The following PMS1 variants were observed in gnomAD, a reference collection of about 807,000 sequenced individuals.
PMS1 encodes the protein PMS1 protein homolog 1.
A neutral mutation model predicts 93.1 loss-of-function variants in PMS1; 79 were observed. The observed-to-expected ratio is 0.85, with a 90% CI of 0.71 to 1.02. The LOEUF (loss-of-function observed/expected upper bound fraction) is 1.02, where lower values mean the gene tolerates loss of function less well. PMS1 is among the 50% of genes least tolerant of loss of function. The probability of loss-of-function intolerance (pLI) is 0.00; values close to 1 mark genes in which losing one functional copy is unlikely to be tolerated. For synonymous variants in PMS1, 335 were observed against 363.4 expected, an observed-to-expected ratio of 0.92 and a Z score of 0.89; for missense variants, 1,064 against 1,085.3, an observed-to-expected ratio of 0.98 and a Z score of 0.28.
chr2:189,804,569 C>T (rs5743009), intron 3 of PMS1, among the ~76,000 whole-genome samples: 5,007 of 152,038 alleles, frequency 0.033, 280 homozygotes, highest in African/African-American at 0.11. Context: ...CTGGAGAAGC[C>T]GTTTCTTTTT....
At chr2:189,804,200 T>A (rs1452916837) in intron 3 of PMS1, among the ~76,000 whole-genome samples, 1 of 152,158 alleles carries the variant, frequency 6.6e-6, no homozygotes, top group Non-Finnish European at 1.5e-5. Context: ...TGACACCAAC[T>A]TTAGGTCAGG....
At chr2:189,820,490 G>A (rs1231787608) in intron 5 of PMS1, among the ~76,000 whole-genome samples, 2 of 151,750 alleles carry the variant, frequency 1.3e-5, no homozygotes, top group Non-Finnish European at 1.5e-5. Context: ...GTAGGGATAT[G>A]GGGGGTCTCC....
At chr2:189,829,551 A>C (rs1233298) in intron 5 of PMS1, among the ~76,000 whole-genome samples, 3,013 of 152,020 alleles carry the variant, frequency 0.02, 95 homozygotes, top group African/African-American at 0.068. Context: ...GTCCTTTCTC[A>C]CTTAATTGTA....
intron 9 of PMS1, among the ~76,000 whole-genome samples, chr2:189,863,247 G>GT (rs574063102): frequency 0.012 from 1,729 of 144,900 alleles, 35 homozygotes; most frequent in Admixed American, 0.054. Flanking sequence ...TCTTTTTGGT[G>GT]TTTTTTTTTG....
In PMS1 at chr2:189,855,073, G is replaced by A. The variant is rs147450758; in HGVS notation, c.1801G>A (p.Ala601Thr). The A allele has an allele frequency of 8.3e-5, 134 of 1,613,122 alleles. 1 individual carries two copies. Among genetic ancestry groups the A allele is most frequent in the Middle Eastern group, 6.6e-4 (4 of 6,074 alleles). ...IENPKTSLED[A>T]TLQIEELWKT... ...AAATCCTAAGACTAGTTTAGAGGAT[G>A]CAACACTACAAATTGAAGAACTGTG... The change falls in exon 9 of 13, where the codon GCA becomes ACA. Residue 601 changes from alanine to threonine, a missense_variant. Coordinates refer to ENST00000441310, the MANE Select transcript of PMS1 (RefSeq NM_000534.5).
chr2:189,793,526 C>T (rs2049078675), intron 2 of PMS1, among the ~76,000 whole-genome samples: 1 of 152,090 alleles, frequency 6.6e-6, no homozygotes, highest in Non-Finnish European at 1.5e-5. Context: ...TTTTCTTAGG[C>T]ATTTCATATA....
intron 4 of PMS1, among the ~76,000 whole-genome samples, chr2:189,814,943 CA>C (rs1216156718): frequency 2.8e-4 from 43 of 151,858 alleles, no homozygotes; most frequent in African/African-American, 9.9e-4. Context: ...CAAAAAAATA[CA>C]AAAAATTAGC....
intron 4 of PMS1, among the ~76,000 whole-genome samples, chr2:189,810,200 A>G (rs913843644): frequency 6.6e-5 from 10 of 152,240 alleles, no homozygotes; most frequent in Admixed American, 5.9e-4. Context: ...ATAGATAAGA[A>G]GACATGGAGT....
intron 5 of PMS1, among the ~76,000 whole-genome samples, chr2:189,828,519 A>G (rs2052646884): frequency 6.6e-6 from 1 of 152,240 alleles, no homozygotes. Context: ...CTTCACTGTA[A>G]TAAAGCATCT....
chr2:189,815,364 T>G (rs895575448), intron 4 of PMS1, among the ~76,000 whole-genome samples: 1 of 152,152 alleles, frequency 6.6e-6, no homozygotes, highest in African/African-American at 2.4e-5. Flanking sequence ...AAATCTCATC[T>G]CGAATTGTAA....
At chr2:189,820,208 A>G (rs375550206) in intron 5 of PMS1, among the ~76,000 whole-genome samples, 3 of 152,332 alleles carry the variant, frequency 2.0e-5, no homozygotes, top group East Asian at 3.9e-4. Flanking sequence ...GATAGGTTTA[A>G]TACTTTGCTC....
Position 189,852,673 on chromosome 2 carries a change from C to A in PMS1, c.718C>A (p.Leu240Ile), listed in dbSNP as rs2106449373. The A allele has an allele frequency of 6.2e-7, 1 of 1,604,954 alleles. No homozygotes were observed. The highest frequency in any genetic ancestry group is 8.5e-7 in the Non-Finnish European group (1 of 1,171,974). ...TATATAGATTTATCTCAGTGGATTT[C>A]TTCCAAAGTGTGATGCAGACCACTC... Reference protein sequence around the residue: ...EESQIYLSGFLPKCDADHSFT... With the variant: ...EESQIYLSGFIPKCDADHSFT... Residue 240 changes from leucine (L) to isoleucine (I), a missense_variant, in exon 7 of 13, where the codon CTT becomes ATT. Leu to Ile is a conservative substitution (Grantham distance 5). Coordinates refer to ENST00000441310, the MANE Select transcript of PMS1 (RefSeq NM_000534.5).
At chr2:189,859,748 T>G (rs5743155) in intron 9 of PMS1, among the ~76,000 whole-genome samples, 10 of 152,248 alleles carry the variant, frequency 6.6e-5, no homozygotes, top group Non-Finnish European at 1.3e-4. Flanking sequence ...ACCTTTGAAA[T>G]TGAGTTAAAT....
chr2:189,791,943 T>TGA lies in PMS1; in HGVS notation c.132+4_132+5dup. 1 of 1,613,628 alleles carries TGA rather than the reference T, an allele frequency of 6.2e-7. No homozygotes were observed. Among genetic ancestry groups the TGA allele is most frequent in the Non-Finnish European group, 8.5e-7 (1 of 1,179,600 alleles). On this transcript the variant is annotated splice_region_variant and intron_variant, in intron 2 of 12. Coordinates refer to ENST00000441310, the MANE Select transcript of PMS1 (RefSeq NM_000534.5). ...GCCACAAGCGTAGATGTTAAACTGG[T>TGA]GAGTGTCCTTGAGAACCCAAATACC...
At chr2:189,806,478 A>G (rs540585250) in intron 4 of PMS1, 31 of 279,202 alleles carry the variant, frequency 1.1e-4, no homozygotes, top group African/African-American at 6.1e-4. Context: ...GTTCACTGCA[A>G]CCTCTGCCTC....
chr2:189,830,225 G>A (rs1421413323), intron 5 of PMS1, among the ~76,000 whole-genome samples: 1 of 152,134 alleles, frequency 6.6e-6, no homozygotes, highest in Non-Finnish European at 1.5e-5. Context: ...GAAGGCCATG[G>A]GCTGTAGTTT....
chr2:189,790,215 A>T (rs5742972), intron 1 of PMS1, among the ~76,000 whole-genome samples: 1 of 152,206 alleles, frequency 6.6e-6, no homozygotes, highest in Non-Finnish European at 1.5e-5. Flanking sequence ...TCAGTGATTG[A>T]AAAAGACATT....
At chr2:189,864,675 AAAAAAAAAAAAAATATATATATATATAT>A (rs2056419944) in intron 10 of PMS1, among the ~76,000 whole-genome samples, 1 of 44,764 alleles carries the variant, frequency 2.2e-5, no homozygotes, top group African/African-American at 9.2e-5. Flanking sequence ...AAAAAAAAAA[AAAAAAAAAAAAAATATATATATATATAT>A]ATATATATAT....
intron 4 of PMS1, among the ~76,000 whole-genome samples, chr2:189,811,721 T>A (rs2050861931): frequency 6.6e-6 from 1 of 151,860 alleles, no homozygotes; most frequent in African/African-American, 2.4e-5. Flanking sequence ...GGAAAAAAAA[T>A]AAACAGAACC....
Sources: gnomAD v4.1 joint callset for allele counts (sites outside exome capture counted in the v4.1 genomes callset) on GRCh38, gnomAD v4.1.1 for gene constraint, MANE v1.5 for transcripts, NCBI Gene and HGNC (gene_info 2026-07-23, HGNC 2026-07-21) for gene names.